The following GRM8 variants were observed in gnomAD, a reference collection of about 807,000 sequenced individuals.
GRM8 encodes glutamate metabotropic receptor 8.
Under a neutral mutation model 87.2 loss-of-function variants are expected in GRM8, and 47 were observed. The ratio of observed to expected loss-of-function variants is 0.54; its 90% confidence interval spans 0.43 to 0.69. The LOEUF (loss-of-function observed/expected upper bound fraction) is 0.69, where lower values mean the gene tolerates loss of function less well. Among genes scored for constraint, GRM8 ranks in the 30% least tolerant of loss-of-function variants. The probability of loss-of-function intolerance (pLI) is 0.00; values close to 1 mark genes in which losing one functional copy is unlikely to be tolerated. For synonymous variants in GRM8, 396 were observed against 404.5 expected (o/e 0.98, Z 0.25); for missense variants, 1,019 against 1,139.2 (o/e 0.89, Z 1.52).
At chr7:126,827,921 AG>A (rs1255111838) in intron 6 of GRM8, among the ~76,000 whole-genome samples, 1 of 152,184 alleles carries the variant, frequency 6.6e-6, no homozygotes, top group Non-Finnish European at 1.5e-5. Context: ...TTTAGCATGA[AG>A]GGTTGTTGAA....
At chr7:126,680,169 C>G (rs1807393949) in intron 7 of GRM8, among the ~76,000 whole-genome samples, 1 of 152,110 alleles carries the variant, frequency 6.6e-6, no homozygotes, top group Admixed American at 6.5e-5. Flanking sequence ...TCTGCTATGG[C>G]AAGCTCCCAA....
At chr7:126,813,709 C>T (rs1470786189) in intron 6 of GRM8, among the ~76,000 whole-genome samples, 1 of 152,058 alleles carries the variant, frequency 6.6e-6, no homozygotes, top group Non-Finnish European at 1.5e-5. Flanking sequence ...AATTTCCATT[C>T]TCCATGAAAC....
intron 2 of GRM8, among the ~76,000 whole-genome samples, chr7:127,205,832 A>G (rs1449832749): frequency 3.3e-5 from 5 of 152,034 alleles, no homozygotes; most frequent in African/African-American, 4.8e-5. Context: ...GGCTCCATGT[A>G]TTCCCTTGTA....
chr7:127,082,487 A>C (rs879466263), intron 3 of GRM8, among the ~76,000 whole-genome samples: 1 of 152,038 alleles, frequency 6.6e-6, no homozygotes, highest in African/African-American at 2.4e-5. Context: ...TTAGTTCTCA[A>C]TCCCACTCAA....
chr7:126,578,508 C>G (rs185252629), intron 8 of GRM8, among the ~76,000 whole-genome samples: 168 of 152,258 alleles, frequency 1.1e-3, no homozygotes, highest in African/African-American at 3.7e-3. Context: ...GTGAGGAGGG[C>G]AGAGGCAGCC....
intron 2 of GRM8, among the ~76,000 whole-genome samples, chr7:127,208,508 C>T (rs1013878417): frequency 1.3e-5 from 2 of 152,144 alleles, no homozygotes; most frequent in Non-Finnish European, 2.9e-5. Context: ...GTGATTTTTC[C>T]ATGATGAAAC....
chr7:127,010,703 T>C (rs1814801043), intron 3 of GRM8, among the ~76,000 whole-genome samples: 1 of 152,166 alleles, frequency 6.6e-6, no homozygotes, highest in South Asian at 2.1e-4. Flanking sequence ...TTCAGCTCCT[T>C]AGTGAAAAAA....
At chr7:126,897,114 C>T (rs1801618047) in intron 6 of GRM8, among the ~76,000 whole-genome samples, 1 of 152,090 alleles carries the variant, frequency 6.6e-6, no homozygotes, top group Non-Finnish European at 1.5e-5. Flanking sequence ...CAAGGGATGT[C>T]GTTTTGATAA....
intron 2 of GRM8, among the ~76,000 whole-genome samples, chr7:127,168,349 G>T (rs1421304197): frequency 6.6e-6 from 1 of 152,056 alleles, no homozygotes; most frequent in East Asian, 1.9e-4. Context: ...TAAAAAGTCA[G>T]GAAACACATC....
chr7:126,919,096 C>A (rs997216510), intron 3 of GRM8, among the ~76,000 whole-genome samples: 13 of 152,082 alleles, frequency 8.5e-5, no homozygotes, highest in African/African-American at 3.1e-4. Flanking sequence ...AAAAAAAGAT[C>A]CTGGAATATA....
intron 2 of GRM8, among the ~76,000 whole-genome samples, chr7:127,116,495 G>T (rs1408587081): frequency 2.6e-5 from 4 of 152,116 alleles, no homozygotes; most frequent in African/African-American, 9.7e-5. Flanking sequence ...GAAAAAGCAG[G>T]CATTCAATAA....
chr7:126,540,001 T>C (rs1816350625), intron 8 of GRM8, among the ~76,000 whole-genome samples: 1 of 152,088 alleles, frequency 6.6e-6, no homozygotes, highest in African/African-American at 2.4e-5. Context: ...ACCAAGATTG[T>C]TAGAAGACAA....
At chr7:126,581,654 C>A (rs1432221834) in intron 8 of GRM8, among the ~76,000 whole-genome samples, 1 of 152,028 alleles carries the variant, frequency 6.6e-6, no homozygotes, top group African/African-American at 2.4e-5. Flanking sequence ...TCACTGATAG[C>A]ATGTTTTTTT....
chr7:126,586,831 G>A (rs936478053), intron 8 of GRM8, among the ~76,000 whole-genome samples: 3 of 152,076 alleles, frequency 2.0e-5, no homozygotes, highest in Admixed American at 2.0e-4. Flanking sequence ...TTGACAAATG[G>A]GATCTAATTA....
intron 7 of GRM8, among the ~76,000 whole-genome samples, chr7:126,739,075 G>A (rs569126969): frequency 6.6e-6 from 1 of 152,062 alleles, no homozygotes; most frequent in Admixed American, 6.6e-5. Context: ...AGAGGGAAAT[G>A]GGCAGTGTGG....
chr7:126,613,981 G>C (rs552870611), intron 7 of GRM8, among the ~76,000 whole-genome samples: 46 of 152,282 alleles, frequency 3.0e-4, no homozygotes, highest in African/African-American at 1.1e-3. Flanking sequence ...AAAGGCAGCA[G>C]ACCTCTGCAG....
intron 2 of GRM8, among the ~76,000 whole-genome samples, chr7:127,175,045 T>C (rs776857214): frequency 2.6e-5 from 4 of 152,192 alleles, no homozygotes; most frequent in Non-Finnish European, 4.4e-5. Context: ...CTATTTGATA[T>C]AATTTTACAT....
intron 7 of GRM8, among the ~76,000 whole-genome samples, chr7:126,688,601 A>G (rs1808421421): frequency 6.6e-6 from 1 of 152,152 alleles, no homozygotes; most frequent in Non-Finnish European, 1.5e-5. Context: ...TGAGTTTAGG[A>G]AGTTGCAGAT....
chr7:126,531,105 T>C (rs1814751269), intron 9 of GRM8, among the ~76,000 whole-genome samples: 1 of 152,180 alleles, frequency 6.6e-6, no homozygotes, highest in Admixed American at 6.5e-5. Context: ...CAGATGTAGA[T>C]TTAGGATAAT....
Sources: allele counts gnomAD v4.1 joint callset (sites outside exome capture counted in the v4.1 genomes callset), GRCh38; gene constraint gnomAD v4.1.1; transcripts MANE v1.5; gene names NCBI Gene and HGNC (gene_info 2026-07-23, HGNC 2026-07-21).